ENPP6: variants seen among roughly 807,000 people sequenced by gnomAD.
ENPP6 encodes the protein glycerophosphocholine cholinephosphodiesterase ENPP6.
A neutral mutation model predicts 42.0 loss-of-function variants in ENPP6; 32 were observed. That is an observed-to-expected ratio of 0.76 (90% CI 0.58 to 1.02). ENPP6 has a LOEUF of 1.02. ENPP6 is among the 50% of genes least tolerant of loss of function. The pLI is 0.00. For missense variants in ENPP6, 552 were observed against 566.8 expected, an observed-to-expected ratio of 0.97 and a Z score of 0.27; for synonymous variants, 213 against 216.0, an observed-to-expected ratio of 0.99 and a Z score of 0.12.
intron 1 of ENPP6, among the ~76,000 whole-genome samples, chr4:184,165,559 C>G (rs150695985): frequency 6.6e-6 from 1 of 152,240 alleles, no homozygotes; most frequent in Non-Finnish European, 1.5e-5. Context: ...CACATGGAGA[C>G]GCACAGATCT....
At chr4:184,174,970 A>T (rs1737537174) in intron 1 of ENPP6, among the ~76,000 whole-genome samples, 1 of 152,184 alleles carries the variant, frequency 6.6e-6, no homozygotes, top group Non-Finnish European at 1.5e-5. Context: ...ACTTCTATTT[A>T]CTGACTGGAA....
chr4:184,126,404 G>A (rs781671964), intron 2 of ENPP6, among the ~76,000 whole-genome samples: 37 of 152,252 alleles, frequency 2.4e-4, no homozygotes, highest in Admixed American at 4.6e-4. Flanking sequence ...TGGAGCTGTT[G>A]TTATAGTGCT....
chr4:184,152,986 A>G lies in ENPP6; in HGVS notation c.421+568T>C, dbSNP rs568594062. On this transcript the variant is annotated intron_variant, in intron 2 of 7. Coordinates refer to ENST00000296741, the MANE Select transcript of ENPP6 (RefSeq NM_153343.4). ...AATTTCTCTCTCCTGTATATCCAAC[A>G]TTTTGCACATGAAAAAAAGCAAGCT... 1.5e-3 allele frequency among the ~76,000 whole-genome samples: 226 copies of G among 151,546 alleles called. 1 individual carries two copies. Among genetic ancestry groups the G allele is most frequent in the Middle Eastern group, 0.01 (3 of 290 alleles).
In ENPP6 at chr4:184,184,052, A is replaced by G. The variant is rs1483505580; in HGVS notation, c.242-30319T>C. Among the ~76,000 whole-genome samples, 1 of 152,194 alleles carries G rather than the reference A, an allele frequency of 6.6e-6. No homozygotes were observed. Among genetic ancestry groups the G allele is most frequent in the Non-Finnish European group, 1.5e-5 (1 of 68,026 alleles). The stretch of plus-strand genomic sequence containing the variant: ...CATCCGTCAGCGTCTGTGAATGACT[A>G]CATGGAGCGAGCCCCACCTCCATGC... On this transcript the variant is annotated intron_variant, in intron 1 of 7. Transcript: ENST00000296741. This position sits in a 1 kb window ranked among gnomAD's most constrained non-coding sequence, Gnocchi z 4.7.
In ENPP6 at chr4:184,209,117, A is replaced by T. The variant is rs1030104680; in HGVS notation, c.241+8462T>A. Reference sequence around the variant, plus strand: ...CCGTCATCAAAGACCAAAAGTAGATAAAACCACAAAGATGGGGAAAAAACA... The same window carrying T: ...CCGTCATCAAAGACCAAAAGTAGATTAAACCACAAAGATGGGGAAAAAACA... On this transcript the variant is annotated intron_variant, in intron 1 of 7. Coordinates refer to ENST00000296741, the MANE Select transcript of ENPP6 (RefSeq NM_153343.4). Among the ~76,000 whole-genome samples, 5 of 150,964 alleles carry T rather than the reference A, an allele frequency of 3.3e-5. 1 individual carries two copies. Among genetic ancestry groups the T allele is most frequent in the African/African-American group, 1.2e-4 (5 of 40,864 alleles).
At chr4:184,168,197 G>T (rs1737389765) in intron 1 of ENPP6, among the ~76,000 whole-genome samples, 1 of 152,056 alleles carries the variant, frequency 6.6e-6, no homozygotes, top group African/African-American at 2.4e-5. Flanking sequence ...TTCCTCCTCT[G>T]AAAAATGGAG....
intron 1 of ENPP6, among the ~76,000 whole-genome samples, chr4:184,202,432 G>A (rs1561010334): frequency 6.6e-6 from 1 of 152,164 alleles, no homozygotes; most frequent in Non-Finnish European, 1.5e-5. Context: ...TGGAACAGGA[G>A]GGGAGGAGGA....
intron 2 of ENPP6, among the ~76,000 whole-genome samples, chr4:184,131,595 C>G (rs945498358): frequency 1.3e-5 from 2 of 151,284 alleles, no homozygotes; most frequent in Non-Finnish European, 2.9e-5. Context: ...AACTCTTGAC[C>G]TCAGGTGATC....
intron 2 of ENPP6, among the ~76,000 whole-genome samples, chr4:184,148,388 T>C (rs1260806013): frequency 5.3e-5 from 8 of 152,238 alleles, no homozygotes; most frequent in African/African-American, 1.7e-4. Flanking sequence ...TTGGCCAAGA[T>C]ACCATCCTGC....
chr4:184,200,528 T>C (rs1732877067), intron 1 of ENPP6, among the ~76,000 whole-genome samples: 1 of 152,184 alleles, frequency 6.6e-6, no homozygotes, highest in Non-Finnish European at 1.5e-5. Context: ...AATTGCGCAC[T>C]CACTAAATGC....
intron 6 of ENPP6, among the ~76,000 whole-genome samples, chr4:184,098,085 C>CT (rs1436169727): frequency 6.6e-6 from 1 of 152,238 alleles, no homozygotes; most frequent in Admixed American, 6.5e-5. Flanking sequence ...TGGTGCCTCT[C>CT]TAAGGGCCAT....
chr4:184,113,963 C>CTTTCTTTCTT (rs1162715775), intron 5 of ENPP6, among the ~76,000 whole-genome samples: 1 of 126,410 alleles, frequency 7.9e-6, no homozygotes, highest in Non-Finnish European at 1.7e-5. Context: ...TTCTTTCTTT[C>CTTTCTTTCTT]TCTCTTTCTT....
intron 6 of ENPP6, among the ~76,000 whole-genome samples, chr4:184,099,533 G>T (rs1476944149): frequency 6.6e-6 from 1 of 152,236 alleles, no homozygotes; most frequent in Non-Finnish European, 1.5e-5. Context: ...CATGGGGCCA[G>T]GTGCCCGGGC....
intron 1 of ENPP6, among the ~76,000 whole-genome samples, chr4:184,161,930 G>T (rs1292511494): frequency 6.6e-6 from 1 of 152,152 alleles, no homozygotes; most frequent in Admixed American, 6.5e-5. Flanking sequence ...TGGGTACAGT[G>T]TACACTGCTT....
chr4:184,208,867 C>A lies in ENPP6; in HGVS notation c.241+8712G>T, dbSNP rs1427017571. Among the ~76,000 whole-genome samples the A allele has an allele frequency of 2.8e-5, 4 of 142,994 alleles. 1 individual carries two copies. Among genetic ancestry groups the A allele is most frequent in the African/African-American group, 1.0e-4 (4 of 39,440 alleles). The allele number at this position is 142,994 out of a possible 152,430, so 93.8% of individuals were successfully genotyped here. ...CAGCTTTGAAGAGAGCAGTGGTTCT[C>A]CCAGCACGCAGCTGGAGATCTGAGA... On this transcript the variant is annotated intron_variant, in intron 1 of 7. Coordinates refer to ENST00000296741, the MANE Select transcript of ENPP6 (RefSeq NM_153343.4).
At chr4:184,129,290 ATAC>A (rs1736556543) in intron 2 of ENPP6, among the ~76,000 whole-genome samples, 1 of 95,338 alleles carries the variant, frequency 1.0e-5, no homozygotes, top group East Asian at 3.2e-4. Flanking sequence ...CCCCCCCAAC[ATAC>A]ACACACACAC....
In ENPP6 at chr4:184,139,832, C is replaced by T. The variant is rs1389557415; in HGVS notation, c.421+13722G>A. Among the ~76,000 whole-genome samples, 3 of 73,980 alleles carry T rather than the reference C, an allele frequency of 4.1e-5. 1 individual carries two copies. The highest frequency in any genetic ancestry group is 8.7e-5 in the Non-Finnish European group (3 of 34,368). The allele number at this position is 73,980 out of a possible 152,430, so 48.5% of individuals were successfully genotyped here. A position where few individuals can be genotyped will look rare whatever the true frequency, so the allele number is the denominator to read the frequency against. On this transcript the variant is annotated intron_variant, in intron 2 of 7. Transcript: ENST00000296741. ...GCAATAAACATACGTGTGCATGTGTCTTTATAGCAGCATGATTTATAGTCA... is the reference window on the plus strand; with the variant it reads ...GCAATAAACATACGTGTGCATGTGTTTTTATAGCAGCATGATTTATAGTCA...
chr4:184,088,822 TA>T lies in ENPP6; in HGVS notation c.*2354del, dbSNP rs1735735917. 6.6e-6 allele frequency: 1 copy of T among 152,212 alleles called. No individual in the cohort carries two copies. The highest frequency in any genetic ancestry group is 1.5e-5 in the Non-Finnish European group (1 of 68,048). The allele number at this position is 152,212 out of a possible 1,614,324, so 9.4% of individuals were successfully genotyped here. A position where few individuals can be genotyped will look rare whatever the true frequency, so the allele number is the denominator to read the frequency against. ...GTTCTCAGTCATTTATTCAGTTGAG[TA>T]ATTACACTTTGTCAGACAAATATCT... On this transcript the variant is annotated 3_prime_UTR_variant, in exon 8 of 8. Coordinates refer to ENST00000296741, the MANE Select transcript of ENPP6 (RefSeq NM_153343.4).
At chr4:184,119,686 C>A (rs572866696) in intron 3 of ENPP6, among the ~76,000 whole-genome samples, 2 of 152,206 alleles carry the variant, frequency 1.3e-5, no homozygotes, top group East Asian at 3.9e-4. Context: ...CTCCCATAGT[C>A]CCCATGTGTT....
Sources: gnomAD v4.1 joint callset for allele counts (sites outside exome capture counted in the v4.1 genomes callset) on GRCh38, gnomAD v4.1.1 for gene constraint, Gnocchi (gnomAD v3.1) non-coding constraint, MANE v1.5 for transcripts, NCBI Gene and HGNC (gene_info 2026-07-23, HGNC 2026-07-21) for gene names.